Variants in GRTP1 observed in about 807,000 individuals in gnomAD.
GRTP1 encodes the protein growth hormone regulated TBC protein 1.
GRTP1 carries 56 observed loss-of-function variants against 38.1 expected under a neutral mutation model. The observed-to-expected ratio is 1.47, with a 90% CI of 1.19 to 1.84. The LOEUF (loss-of-function observed/expected upper bound fraction) is 1.84. GRTP1 is among the 40% of genes most tolerant of loss of function. GRTP1 has a pLI of 0.00. For missense variants in GRTP1, 506 were observed against 453.9 expected (o/e 1.11, Z -1.04); for synonymous variants, 217 against 189.5 (o/e 1.14, Z -1.19).
chr13:113,335,852 G>A (rs2042947736), intron 5 of GRTP1, among the ~76,000 whole-genome samples: 1 of 152,002 alleles, frequency 6.6e-6, no homozygotes, highest in South Asian at 2.1e-4. Context: ...GAGCGTAGTG[G>A]TACAAACTCA....
intron 2 of GRTP1, among the ~76,000 whole-genome samples, chr13:113,358,660 C>A (rs111232998): frequency 1.3e-3 from 198 of 152,258 alleles, no homozygotes; most frequent in African/African-American, 4.7e-3. Flanking sequence ...GAGACCCACA[C>A]AAACAGAACC....
intron 2 of GRTP1, among the ~76,000 whole-genome samples, chr13:113,363,395 C>A (rs2043535135): frequency 6.6e-6 from 1 of 152,246 alleles, no homozygotes; most frequent in East Asian, 1.9e-4. Context: ...TTAGTAGAGA[C>A]GGGGTTTCAC....
chr13:113,362,380 C>T (rs535964337), intron 2 of GRTP1, among the ~76,000 whole-genome samples: 10 of 152,232 alleles, frequency 6.6e-5, no homozygotes, highest in Middle Eastern at 3.4e-3. Context: ...TAAAGACACA[C>T]GTTCCACTGG....
chr13:113,325,309 C>T (rs2042742910), intron 7 of GRTP1: 6 of 1,353,768 alleles, frequency 4.4e-6, no homozygotes, highest in African/African-American at 1.5e-5. Context: ...TCCCACAACG[C>T]CCTCATCAGG....
chr13:113,352,982 A>T (rs930605814), intron 3 of GRTP1, among the ~76,000 whole-genome samples: 3 of 147,998 alleles, frequency 2.0e-5, no homozygotes, highest in Admixed American at 1.3e-4. Context: ...AGCAGAGTCC[A>T]CTCTAGGTAG....
At chr13:113,337,297 A>T (rs1484990595) in intron 5 of GRTP1, among the ~76,000 whole-genome samples, 1 of 152,212 alleles carries the variant, frequency 6.6e-6, no homozygotes, top group African/African-American at 2.4e-5. Context: ...GTATCCAATA[A>T]ATAATAAATA....
In GRTP1 at chr13:113,325,665, A is replaced by G; in HGVS notation, c.917T>C (p.Met306Thr). ...GCCACGTGCAGCCCCACACACCTGC[A>G]TAAACGTGTGACACTCCATCACGAA... ...GSFVMECHTF[M>T]QKIFSEPGSL... is the part of the protein sequence containing the mutation. Residue 306 changes from methionine (M) to threonine (T), a missense_variant, in exon 7 of 8, where the codon ATG becomes ACG. By Grantham distance (81) the Met-to-Thr change is moderately conservative (BLOSUM62 -1). Coordinates refer to ENST00000375431, the MANE Select transcript of GRTP1 (RefSeq NM_024719.4). 5 of 1,610,714 alleles carry G rather than the reference A, an allele frequency of 3.1e-6. No individual in the cohort carries two copies. The highest frequency in any genetic ancestry group is 4.2e-6 in the Non-Finnish European group (5 of 1,179,990).
intron 5 of GRTP1, among the ~76,000 whole-genome samples, chr13:113,338,908 ATTTTT>A (rs10534935): frequency 4.3e-5 from 4 of 93,616 alleles, no homozygotes; most frequent in Non-Finnish European, 4.6e-5. Context: ...TTCTGCTTAG[ATTTTT>A]TTTTTTTTTT....
At chr13:113,357,477 A>C (rs2043417190) in intron 2 of GRTP1, among the ~76,000 whole-genome samples, 1 of 146,894 alleles carries the variant, frequency 6.8e-6, no homozygotes, top group African/African-American at 2.6e-5. Context: ...CCTCTTAAGA[A>C]ACCCTCTTTC....
rs78263652 is a variant in GRTP1, at chr13:113,344,165, A to G, written c.562+698T>C. 2.4e-3 allele frequency among the ~76,000 whole-genome samples: 371 copies of G among 152,346 alleles called. 8 individuals are homozygous for G. In the East Asian group the frequency reaches 0.062, roughly 26 times the overall value. On this transcript the variant is annotated intron_variant, in intron 5 of 7. Transcript: ENST00000375431. ...ACTAGTATTCACAAACTCAGTACAA[A>G]TACATACATAAAACCAAGATAGCCT...
chr13:113,364,040 G>T lies in GRTP1; in HGVS notation c.12C>A (p.Ala4=). ...CACACCTGGGGACCCGCGAGCGCTC[G>T]GCGGGCTGCATGCGGGGAGGGAGGC... The part of the protein sequence containing the change: MQP[A]ERSRVPRIDP... The change falls in exon 1 of 8, where the codon GCC becomes GCA. Residue 4 remains alanine, a synonymous_variant. Transcript: ENST00000375431. 2.3e-6 allele frequency: 3 copies of T among 1,291,970 alleles called. No individual in the cohort carries two copies. Among genetic ancestry groups the T allele is most frequent in the East Asian group, 6.3e-5 (2 of 31,952 alleles). The allele number at this position is 1,291,970 out of a possible 1,614,324, so 80.0% of individuals were successfully genotyped here.
Position 113,349,069 on chromosome 13 carries a change from G to C in GRTP1, c.465+1780C>G, listed in dbSNP as rs766230471. Among the ~76,000 whole-genome samples, 12 of 152,152 alleles carry C rather than the reference G, an allele frequency of 7.9e-5. No individual in the cohort carries two copies. Among genetic ancestry groups the C allele is most frequent in the Admixed American group, 7.9e-4 (12 of 15,272 alleles). ...TTTTTAAGAATAGAGATGGGGTCTTGCTCTATTGCCCAGGCTGGTCTTGAA... is the reference window on the plus strand; with the variant it reads ...TTTTTAAGAATAGAGATGGGGTCTTCCTCTATTGCCCAGGCTGGTCTTGAA... On this transcript the variant is annotated intron_variant, in intron 4 of 7. Coordinates refer to ENST00000375431, the MANE Select transcript of GRTP1 (RefSeq NM_024719.4). The surrounding 1 kb of genome is among the most constrained non-coding windows in gnomAD (Gnocchi z 5.0).
intron 3 of GRTP1, chr13:113,351,930 C>A (rs962250082): frequency 2.0e-5 from 3 of 152,194 alleles, no homozygotes; most frequent in Non-Finnish European, 4.4e-5. Context: ...TCTGGAGGAA[C>A]CCAACCGCCT....
chr13:113,343,613 A>G lies in GRTP1; in HGVS notation c.562+1250T>C, dbSNP rs144902244. Among the ~76,000 whole-genome samples, 66 of 152,278 alleles carry G rather than the reference A, an allele frequency of 4.3e-4. No homozygotes were observed. In the East Asian group the frequency reaches 0.013, roughly 29 times the overall value. The stretch of plus-strand genomic sequence containing the variant: ...ACAGCGGTGGTCAGGCCAGCACGCA[A>G]ATTCTCCCGGCCTTCGGTGTCCTCA... On this transcript the variant is annotated intron_variant, in intron 5 of 7. Transcript: ENST00000375431. This position sits in a 1 kb window ranked among gnomAD's most constrained non-coding sequence, Gnocchi z 4.8.
At chr13:113,324,645 G>C (rs1258267568) in intron 7 of GRTP1, 68 bp from the exon 8 acceptor site, 10 of 1,371,744 alleles carry the variant, frequency 7.3e-6, no homozygotes, top group Non-Finnish European at 1.0e-5. Flanking sequence ...CTCCCAGACT[G>C]GCAGGCAGGC....
chr13:113,363,955 TG>T (rs765202960), intron 1 of GRTP1, 45 bp from the exon 2 acceptor site: 14 of 1,580,276 alleles, frequency 8.9e-6, no homozygotes, highest in South Asian at 2.3e-5. Context: ...AAGTTTCCTC[TG>T]GGGGGTCGCG....
chr13:113,363,937 C>G, intron 1 of GRTP1, 27 bp from the exon 2 acceptor site: 1 of 1,605,050 alleles, frequency 6.2e-7, no homozygotes, highest in Non-Finnish European at 8.5e-7. Flanking sequence ...AGGAGGCCGG[C>G]GTCCCCGAAG....
chr13:113,324,774 C>T, intron 7 of GRTP1, 197 bp from the exon 8 acceptor site: 2 of 1,327,948 alleles, frequency 1.5e-6, no homozygotes, highest in Non-Finnish European at 9.6e-7. Context: ...CTTTGCTGCT[C>T]AGAAATGTTA....
intron 5 of GRTP1, chr13:113,339,692 T>C (rs966347112): frequency 6.6e-6 from 1 of 152,232 alleles, no homozygotes; most frequent in African/African-American, 2.4e-5. Flanking sequence ...TGTTTATCCA[T>C]TCATAACCTA....
Sources: gnomAD v4.1 joint callset for allele counts (sites outside exome capture counted in the v4.1 genomes callset) on GRCh38, gnomAD v4.1.1 for gene constraint, Gnocchi (gnomAD v3.1) non-coding constraint, MANE v1.5 for transcripts, NCBI Gene and HGNC (gene_info 2026-07-23, HGNC 2026-07-21) for gene names.